Variants in TNIP3 observed in about 807,000 individuals in gnomAD.
TNIP3 encodes TNFAIP3 interacting protein 3.
In TNIP3, 34 loss-of-function variants were observed where a neutral mutation model predicts 54.1. That is an observed-to-expected ratio of 0.63 (90% CI 0.48 to 0.84). The LOEUF (loss-of-function observed/expected upper bound fraction) is 0.84, where lower values mean the gene tolerates loss of function less well. TNIP3 is among the 40% of genes least tolerant of loss of function. The pLI is 0.00. For missense variants in TNIP3, 366 were observed against 387.6 expected (o/e 0.94, Z 0.47); for synonymous variants, 134 against 136.8 (o/e 0.98, Z 0.14).
At chr4:121,224,407 T>C (rs1727174380) in intron 1 of TNIP3, among the ~76,000 whole-genome samples, 1 of 151,892 alleles carries the variant, frequency 6.6e-6, no homozygotes, top group Admixed American at 6.6e-5. Context: ...AAAGTTGAGA[T>C]GAGACTTGAT....
intron 2 of TNIP3, among the ~76,000 whole-genome samples, chr4:121,214,184 C>T (rs79957512): frequency 0.018 from 2,802 of 152,258 alleles, 58 homozygotes; most frequent in Admixed American, 0.029. Context: ...TCCCACTTCC[C>T]TCAGACAAAG....
intron 3 of TNIP3, among the ~76,000 whole-genome samples, chr4:121,180,189 A>G (rs1724601334): frequency 6.6e-6 from 1 of 152,288 alleles, no homozygotes; most frequent in Admixed American, 6.5e-5. Context: ...TCAAGAGGTC[A>G]GGAGATCGAG....
upstream of TNIP3, among the ~76,000 whole-genome samples, chr4:121,218,269 C>T (rs373662708): frequency 1.3e-5 from 2 of 152,200 alleles, no homozygotes; most frequent in East Asian, 1.9e-4. Context: ...GGGAAATCTC[C>T]AGATTTAATA....
chr4:121,222,245 G>C (rs1727062251), intron 1 of TNIP3, among the ~76,000 whole-genome samples: 1 of 152,142 alleles, frequency 6.6e-6, no homozygotes, highest in Admixed American at 6.5e-5. Flanking sequence ...TCATTCTGCA[G>C]AAAAATGAGC....
At chr4:121,199,155 C>CA (rs1036484297) in intron 2 of TNIP3, among the ~76,000 whole-genome samples, 2 of 151,914 alleles carry the variant, frequency 1.3e-5, no homozygotes, top group African/African-American at 4.8e-5. Flanking sequence ...TAATTCAAAA[C>CA]AAAAAACAAA....
chr4:121,222,475 A>C (rs1350030273), intron 1 of TNIP3, among the ~76,000 whole-genome samples: 1 of 152,154 alleles, frequency 6.6e-6, no homozygotes, highest in Non-Finnish European at 1.5e-5. Context: ...AAATACTCTG[A>C]GCCCCACTGT....
intron 1 of TNIP3, among the ~76,000 whole-genome samples, chr4:121,224,631 A>G (rs1261493263): frequency 1.3e-5 from 2 of 152,262 alleles, no homozygotes; most frequent in South Asian, 2.1e-4. Flanking sequence ...TAATTTGTCT[A>G]CCTTAAACTC....
chr4:121,216,280 C>T (rs1327157982), intron 2 of TNIP3: 2 of 682,850 alleles, frequency 2.9e-6, no homozygotes, highest in Non-Finnish European at 4.6e-6. Flanking sequence ...TCATCTTTTC[C>T]TTTTCTATTC....
At position 121,212,121 on chromosome 4, in the gene TNIP3, A is replaced by T. The variant is rs143510467; in HGVS notation, c.68+4294T>A. ...TACAAGTGATTTCTACATTGAATCCAAGAGTTTATGCAAGCATAAAGTATT... is the reference window on the plus strand; with the variant it reads ...TACAAGTGATTTCTACATTGAATCCTAGAGTTTATGCAAGCATAAAGTATT... On this transcript the variant is annotated intron_variant, in intron 2 of 12. Transcript: ENST00000507879. Among the ~76,000 whole-genome samples, 7 of 152,336 alleles carry T rather than the reference A, an allele frequency of 4.6e-5. No homozygotes were observed. In the East Asian group the frequency reaches 1.2e-3, roughly 25 times the overall value.
At chr4:121,140,679 T>G (rs1365407835) in intron 9 of TNIP3, among the ~76,000 whole-genome samples, 1 of 152,186 alleles carries the variant, frequency 6.6e-6, no homozygotes, top group African/African-American at 2.4e-5. Flanking sequence ...CTCTTTATGT[T>G]TCTCACAATC....
At chr4:121,203,463 CAG>C (rs1467706737) in intron 2 of TNIP3, among the ~76,000 whole-genome samples, 2 of 151,996 alleles carry the variant, frequency 1.3e-5, no homozygotes, top group Non-Finnish European at 2.9e-5. Context: ...TTTGGGGACT[CAG>C]GGGAAAGAAT....
At chr4:121,159,940 G>T (rs150987498) in intron 2 of TNIP3, among the ~76,000 whole-genome samples, 3 of 152,264 alleles carry the variant, frequency 2.0e-5, no homozygotes, top group Admixed American at 1.3e-4. Context: ...ATCCAGAGTG[G>T]CAGTTACTAG....
intron 2 of TNIP3, among the ~76,000 whole-genome samples, chr4:121,190,441 A>C (rs1020431857): frequency 2.6e-5 from 4 of 152,202 alleles, no homozygotes; most frequent in African/African-American, 9.6e-5. Flanking sequence ...GAAGAGGAGA[A>C]GCTCCCATTA....
chr4:121,156,429 A>G (rs1438252403), intron 4 of TNIP3, among the ~76,000 whole-genome samples: 2 of 152,234 alleles, frequency 1.3e-5, no homozygotes, highest in African/African-American at 2.4e-5. Context: ...GTCACCATCC[A>G]GTTCTCAGCA....
upstream of TNIP3, among the ~76,000 whole-genome samples, chr4:121,165,659 T>TTGTGTG (rs67730856): frequency 7.1e-3 from 1,038 of 146,792 alleles, 8 homozygotes; most frequent in African/African-American, 0.022. Flanking sequence ...TTTTGCTAGT[T>TTGTGTG]TGTGTGTGTG....
chr4:121,178,962 A>G (rs1323278291), intron 3 of TNIP3, among the ~76,000 whole-genome samples: 2 of 152,222 alleles, frequency 1.3e-5, no homozygotes, highest in African/African-American at 4.8e-5. Context: ...AATGACATAT[A>G]AAGAAGATAA....
chr4:121,174,439 A>T (rs1347959616), intron 3 of TNIP3, among the ~76,000 whole-genome samples: 1 of 152,016 alleles, frequency 6.6e-6, no homozygotes, highest in Non-Finnish European at 1.5e-5. Flanking sequence ...AATAAAAAAA[A>T]TAAGAAAGAA....
chr4:121,212,101 G>A (rs567528644), intron 2 of TNIP3, among the ~76,000 whole-genome samples: 1 of 152,288 alleles, frequency 6.6e-6, no homozygotes, highest in South Asian at 2.1e-4. Flanking sequence ...AGCCTTACAA[G>A]TGATTTCTAC....
upstream of TNIP3, among the ~76,000 whole-genome samples, chr4:121,216,982 T>A (rs1046400249): frequency 6.6e-5 from 10 of 152,136 alleles, no homozygotes; most frequent in African/African-American, 2.4e-4. Context: ...TTTCTATGAT[T>A]TTCAGGGTAA....
Sources: gnomAD v4.1 joint callset for allele counts (sites outside exome capture counted in the v4.1 genomes callset) on GRCh38, gnomAD v4.1.1 for gene constraint, MANE v1.5 for transcripts, NCBI Gene and HGNC (gene_info 2026-07-23, HGNC 2026-07-21) for gene names.